Variants in GOLGA1 observed in about 807,000 individuals in gnomAD.
GOLGA1 encodes golgin subfamily A member 1.
In GOLGA1, 63 loss-of-function variants were observed where a neutral mutation model predicts 119.7. That is an observed-to-expected ratio of 0.53 (90% CI 0.43 to 0.65). The LOEUF (loss-of-function observed/expected upper bound fraction) is 0.65, where lower values mean the gene tolerates loss of function less well. GOLGA1 is among the 30% of genes least tolerant of loss of function. The probability of loss-of-function intolerance (pLI) is 0.00; values close to 1 mark genes in which losing one functional copy is unlikely to be tolerated. For synonymous variants in GOLGA1, 318 were observed against 333.4 expected, an observed-to-expected ratio of 0.95 and a Z score of 0.50; for missense variants, 798 against 912.8, an observed-to-expected ratio of 0.87 and a Z score of 1.62.
upstream of GOLGA1, among the ~76,000 whole-genome samples, chr9:124,942,235 A>T (rs1386816510): frequency 6.6e-6 from 1 of 152,128 alleles, no homozygotes; most frequent in African/African-American, 2.4e-5. Flanking sequence ...GCGCCATTGC[A>T]CTCCAGCCTG....
intron 3 of GOLGA1, among the ~76,000 whole-genome samples, chr9:124,935,426 A>G (rs1830845195): frequency 6.6e-6 from 1 of 152,194 alleles, no homozygotes; most frequent in Admixed American, 6.5e-5. Context: ...ATTTTGGAGT[A>G]TTTCAGATTT....
chr9:124,889,562 G>T (rs2080392058), intron 16 of GOLGA1, 26 bp from the exon 17 acceptor site: 2 of 1,451,878 alleles, frequency 1.4e-6, no homozygotes, highest in Non-Finnish European at 1.9e-6. Context: ...CAACAAGAGG[G>T]AAGGTTGTGA....
upstream of GOLGA1, chr9:124,945,049 C>G (rs945834591): frequency 6.6e-6 from 1 of 152,024 alleles, no homozygotes; most frequent in Non-Finnish European, 1.5e-5. Flanking sequence ...CAATATTACA[C>G]CTAAAAAGAT....
chr9:124,938,545 AG>A (rs769231748), intron 3 of GOLGA1, 31 bp downstream of exon 3: 11 of 1,566,184 alleles, frequency 7.0e-6, no homozygotes, highest in Non-Finnish European at 7.9e-6. Flanking sequence ...ACCCTGCAAA[AG>A]TATCTTTATT....
chr9:124,923,230 G>T lies in GOLGA1; in HGVS notation c.433-7C>A. The T allele has an allele frequency of 6.3e-7, 1 of 1,578,664 alleles. No homozygotes were observed. Among genetic ancestry groups the T allele is most frequent in the South Asian group, 1.1e-5 (1 of 87,640 alleles). The stretch of plus-strand genomic sequence containing the variant: ...CTGTCAGAATATTTTTCTCCTATTT[G>T]AAAGAAGAAGACATCAACTCAGGCA... On this transcript the variant is annotated splice_region_variant and splice_polypyrimidine_tract_variant and intron_variant, in intron 7 of 22. Transcript: ENST00000373555.
At chr9:124,927,793 A>G (rs1830701706) in intron 6 of GOLGA1, among the ~76,000 whole-genome samples, 1 of 152,194 alleles carries the variant, frequency 6.6e-6, no homozygotes, top group South Asian at 2.1e-4. Flanking sequence ...AGAACTCTGT[A>G]TACTATGGAT....
chr9:124,928,839 G>A (rs1830719621), intron 5 of GOLGA1, among the ~76,000 whole-genome samples: 1 of 152,178 alleles, frequency 6.6e-6, no homozygotes, highest in African/African-American at 2.4e-5. Context: ...AGGGAGTGAT[G>A]ACAGGGATTT....
At chr9:124,907,840 C>T (rs1830264062) in intron 12 of GOLGA1, among the ~76,000 whole-genome samples, 1 of 152,198 alleles carries the variant, frequency 6.6e-6, no homozygotes, top group Non-Finnish European at 1.5e-5. Flanking sequence ...TAGGAACGCT[C>T]ATGCATGCTG....
intron 12 of GOLGA1, among the ~76,000 whole-genome samples, chr9:124,905,910 C>T (rs1044263784): frequency 3.4e-5 from 5 of 148,954 alleles, no homozygotes; most frequent in Admixed American, 6.7e-5. Context: ...GTCAGGAGTT[C>T]GAGACCAGCC....
At position 124,878,990 on chromosome 9, in the gene GOLGA1, T is replaced by C. The variant is rs938022974; in HGVS notation, c.*1540A>G. 1 of 152,190 alleles carries C rather than the reference T, an allele frequency of 6.6e-6. No individual in the cohort carries two copies. Among genetic ancestry groups the C allele is most frequent in the Non-Finnish European group, 1.5e-5 (1 of 68,040 alleles). The allele number at this position is 152,190 out of a possible 1,614,324, so 9.4% of individuals were successfully genotyped here. On this transcript the variant is annotated 3_prime_UTR_variant, in exon 23 of 23. Coordinates refer to ENST00000373555, the MANE Select transcript of GOLGA1 (RefSeq NM_002077.4). ...GCAAGGAGGAGCCAGAGGAGGAGGT[T>C]AGTCACTGGAGAAGCGGCCTCTGGA...
intron 11 of GOLGA1, among the ~76,000 whole-genome samples, chr9:124,909,500 C>T (rs1232427688): frequency 2.0e-5 from 3 of 149,760 alleles, no homozygotes; most frequent in Non-Finnish European, 4.4e-5. Context: ...CCCAGCTACT[C>T]GGGATGCTGA....
rs758147086 is a variant in GOLGA1 at position 124,881,848 on chromosome 9, CG to C, written c.2071del (p.Arg691AlafsTer13). On this transcript the variant is annotated frameshift_variant, in exon 21 of 23. Coordinates refer to ENST00000373555, the MANE Select transcript of GOLGA1 (RefSeq NM_002077.4). LOFTEE classifies it high-confidence loss of function. This position sits in a 1 kb window ranked among gnomAD's most constrained non-coding sequence, Gnocchi z 4.9. ...VTNNTDLTDA[R>X]EINFEYLKHV... Reference sequence around the variant, plus strand: ...TTTAAGGTACTCAAAGTTGATCTCGCGGGCATCTGTCAGGTCAGTGTTATTC... The same window carrying C: ...TTTAAGGTACTCAAAGTTGATCTCGCGGCATCTGTCAGGTCAGTGTTATTC... 6.2e-7 allele frequency: 1 copy of C among 1,612,900 alleles called. No homozygotes were observed. Among genetic ancestry groups the C allele is most frequent in the South Asian group, 1.1e-5 (1 of 90,992 alleles).
rs1458472509 is a variant in GOLGA1, at chr9:124,926,756, T to TA, written c.400-16dup. The TA allele has an allele frequency of 6.7e-7, 1 of 1,496,734 alleles. No individual in the cohort carries two copies. Among genetic ancestry groups the TA allele is most frequent in the African/African-American group, 1.4e-5 (1 of 70,824 alleles). The allele number at this position is 1,496,734 out of a possible 1,614,324, so 92.7% of individuals were successfully genotyped here. A position where few individuals can be genotyped will look rare whatever the true frequency, so the allele number is the denominator to read the frequency against. ...TCTGACCATTCCTAAAACAAAACAA[T>TA]AAAAAAGTATGGTTTCCAGTGAAGA... is the stretch of plus-strand genomic sequence containing the variant. On this transcript the variant is annotated splice_polypyrimidine_tract_variant and intron_variant, in intron 6 of 22. Transcript: ENST00000373555.
At chr9:124,922,922 A>G (rs1410984509) in intron 8 of GOLGA1, among the ~76,000 whole-genome samples, 173 bp downstream of exon 8, 1 of 152,248 alleles carries the variant, frequency 6.6e-6, no homozygotes, top group East Asian at 1.9e-4. Flanking sequence ...CATTTTAAAC[A>G]GAACTTTTCT....
At chr9:124,923,056 A>G (rs1264183531) in intron 8 of GOLGA1, 39 bp downstream of exon 8, 3 of 1,429,962 alleles carry the variant, frequency 2.1e-6, no homozygotes, top group Non-Finnish European at 2.0e-6. Context: ...GTGAATAATC[A>G]TCTATTCAGT....
At chr9:124,900,598 G>A in intron 12 of GOLGA1, 51 bp from the exon 13 acceptor site, 1 of 837,914 alleles carries the variant, frequency 1.2e-6, no homozygotes, top group African/African-American at 1.7e-5. Flanking sequence ...CTGAAGAGTG[G>A]TAACAAATGG....
upstream of GOLGA1, chr9:124,943,632 C>T (rs1831095104): frequency 6.6e-6 from 1 of 152,134 alleles, no homozygotes; most frequent in African/African-American, 2.4e-5. Context: ...TAATTATATC[C>T]TCCAAATGAA....
chr9:124,934,986 G>A (rs1176536221), intron 3 of GOLGA1, among the ~76,000 whole-genome samples: 3 of 152,136 alleles, frequency 2.0e-5, no homozygotes, highest in Non-Finnish European at 4.4e-5. Context: ...GGTTAAGGCT[G>A]CAGTGGGCTG....
At chr9:124,905,102 G>A (rs539036062) in intron 12 of GOLGA1, among the ~76,000 whole-genome samples, 1 of 150,466 alleles carries the variant, frequency 6.6e-6, no homozygotes, top group South Asian at 2.1e-4. Context: ...GCTGAGATCA[G>A]GACACTACAC....
Sources: gnomAD v4.1 joint callset for allele counts (sites outside exome capture counted in the v4.1 genomes callset) on GRCh38, gnomAD v4.1.1 for gene constraint, Gnocchi (gnomAD v3.1) non-coding constraint, MANE v1.5 for transcripts, NCBI Gene and HGNC (gene_info 2026-07-23, HGNC 2026-07-21) for gene names.